The following GRK5 variants were observed in gnomAD, a reference collection of about 807,000 sequenced individuals.
The protein encoded by GRK5 is G protein-coupled receptor kinase 5, also known as g protein-coupled receptor kinase GRK5.
Under a neutral mutation model 78.4 loss-of-function variants are expected in GRK5, and 40 were observed. That is an observed-to-expected ratio of 0.51 (90% confidence interval 0.40 to 0.66). The LOEUF is 0.66. GRK5 is among the 30% of genes least tolerant of loss of function. The probability of loss-of-function intolerance (pLI) is 0.00; values close to 1 mark genes in which losing one functional copy is unlikely to be tolerated. For missense variants in GRK5, 598 were observed against 759.9 expected (o/e 0.79, Z 2.50); for synonymous variants, 289 against 296.8 (o/e 0.97, Z 0.27).
chr10:119,443,431 A>T lies in GRK5; in HGVS notation c.1058-113A>T, dbSNP rs1853078005. ...GCTCCCTGGAGGGGGTGGTATTCAC[A>T]GCAGTTGGTGGGGTAAGAGTTGGTG... is the stretch of plus-strand genomic sequence containing the variant. On this transcript the variant is annotated intron_variant, in intron 11 of 15. Transcript: ENST00000392870. 20 of 900,902 alleles carry T rather than the reference A, an allele frequency of 2.2e-5. 1 individual carries two copies. The South Asian group carries it at 3.3e-4, about 15-fold the overall frequency. The allele number at this position is 900,902 out of a possible 1,614,324, so 55.8% of individuals were successfully genotyped here. A position where few individuals can be genotyped will look rare whatever the true frequency, so the allele number is the denominator to read the frequency against.
chr10:119,322,434 G>A (rs890905178), intron 1 of GRK5, among the ~76,000 whole-genome samples: 2 of 152,208 alleles, frequency 1.3e-5, no homozygotes, highest in Non-Finnish European at 2.9e-5. Flanking sequence ...GGCCGTCGCT[G>A]GGGTTGGGAA....
chr10:119,207,944 C>T lies in GRK5; in HGVS notation c.27C>T (p.Asn9=), dbSNP rs1848414944. The T allele has an allele frequency of 6.2e-7, 1 of 1,604,686 alleles. No homozygotes were observed. Among genetic ancestry groups the T allele is most frequent in the South Asian group, 1.1e-5 (1 of 89,932 alleles). Residue 9 remains asparagine (N), a synonymous_variant, in exon 1 of 16, where the codon AAC becomes AAT. Coordinates refer to ENST00000392870, the MANE Select transcript of GRK5 (RefSeq NM_005308.3). MELENIVA[N]TVLLKAREGG... is the part of the protein sequence containing the mutation. Reference sequence around the variant, plus strand: ...TGGAGCTGGAAAACATCGTGGCCAACACGGTCTTGCTGAAAGCCAGGGAAG... The same window carrying T: ...TGGAGCTGGAAAACATCGTGGCCAATACGGTCTTGCTGAAAGCCAGGGAAG...
intron 2 of GRK5, 107 bp from the exon 3 acceptor site, chr10:119,380,708 A>C (rs1851696518): frequency 7.6e-6 from 5 of 657,726 alleles, no homozygotes; most frequent in Non-Finnish European, 1.4e-5. Context: ...TTTGCCAGTC[A>C]CCTTCCTCCA....
At chr10:119,433,436 G>C (rs564438327) in intron 8 of GRK5, among the ~76,000 whole-genome samples, 1 of 152,128 alleles carries the variant, frequency 6.6e-6, no homozygotes. Flanking sequence ...CTTCAGTTAC[G>C]ATGGCTGCAC....
chr10:119,459,077 T>C lies in GRK5; in HGVS notation c.*4010T>C, dbSNP rs924566218. ...AACCCAACACTCTGAGATAGGATCT[T>C]CCAACTTTTTAGCCCCGGCTGTGGA... On this transcript the variant is annotated 3_prime_UTR_variant, in exon 16 of 16. Coordinates refer to ENST00000392870, the MANE Select transcript of GRK5 (RefSeq NM_005308.3). The C allele has an allele frequency of 3.9e-5, 6 of 152,230 alleles. No individual in the cohort carries two copies. The highest frequency in any genetic ancestry group is 1.4e-4 in the African/African-American group (6 of 41,448). The allele number at this position is 152,230 out of a possible 1,614,324, so 9.4% of individuals were successfully genotyped here. A position where few individuals can be genotyped will look rare whatever the true frequency, so the allele number is the denominator to read the frequency against.
Position 119,294,633 on chromosome 10 carries a change from G to A in GRK5, c.53-31883G>A, listed in dbSNP as rs573241547. On this transcript the variant is annotated intron_variant, in intron 1 of 15. Coordinates refer to ENST00000392870, the MANE Select transcript of GRK5 (RefSeq NM_005308.3). Reference sequence around the variant, plus strand: ...GTGGCCAGGGTCATTGCTCAGGTTCGCAGGGCTAAGGAGGAGGGAGGCAGG... The same window carrying A: ...GTGGCCAGGGTCATTGCTCAGGTTCACAGGGCTAAGGAGGAGGGAGGCAGG... Among the ~76,000 whole-genome samples the A allele has an allele frequency of 1.2e-3, 189 of 152,264 alleles. 1 individual carries two copies. The highest frequency in any genetic ancestry group is 2.2e-3 in the Non-Finnish European group (149 of 68,008).
At chr10:119,326,150 G>A (rs1850673339) in intron 1 of GRK5, among the ~76,000 whole-genome samples, 1 of 152,268 alleles carries the variant, frequency 6.6e-6, no homozygotes, top group African/African-American at 2.4e-5. Flanking sequence ...CTGCCCCACA[G>A]GGATGCCCCA....
intron 1 of GRK5, chr10:119,213,187 G>A (rs1463755797): frequency 6.6e-6 from 1 of 152,244 alleles, no homozygotes; most frequent in African/African-American, 2.4e-5. Flanking sequence ...AGAGAATATT[G>A]AAGACAAGGG....
chr10:119,312,828 A>C (rs941615184), intron 1 of GRK5, among the ~76,000 whole-genome samples: 2 of 143,222 alleles, frequency 1.4e-5, no homozygotes, highest in African/African-American at 2.6e-5. Context: ...CTGAACTTAG[A>C]GTCAGATGTC....
intron 1 of GRK5, among the ~76,000 whole-genome samples, chr10:119,302,076 T>A (rs1850192792): frequency 6.6e-6 from 1 of 152,230 alleles, no homozygotes; most frequent in African/African-American, 2.4e-5. Context: ...ACTTTTTCCC[T>A]TGCAGGTGGG....
chr10:119,279,070 C>T lies in GRK5; in HGVS notation c.53-47446C>T, dbSNP rs544467927. ...TTTTTTGTATTTTTTTTAGTAGAGACGGGGTTTCACCATGTTAGCCAGGAT... is the reference window on the plus strand; with the variant it reads ...TTTTTTGTATTTTTTTTAGTAGAGATGGGGTTTCACCATGTTAGCCAGGAT... On this transcript the variant is annotated intron_variant, in intron 1 of 15. Coordinates refer to ENST00000392870, the MANE Select transcript of GRK5 (RefSeq NM_005308.3). Among the ~76,000 whole-genome samples the T allele has an allele frequency of 2.2e-4, 33 of 152,102 alleles. 2 individuals carry two copies. In the South Asian group the frequency reaches 3.7e-3, roughly 17 times the overall value.
In GRK5 at chr10:119,417,396, G is replaced by A. The variant is rs367957233; in HGVS notation, c.340-5770G>A. On this transcript the variant is annotated intron_variant, in intron 4 of 15. Coordinates refer to ENST00000392870, the MANE Select transcript of GRK5 (RefSeq NM_005308.3). ...CACAGATGGCGCCTGTGAAGCGGCAGTTGACCTGGGAGGGGTGCGGCAATG... is the reference window on the plus strand; with the variant it reads ...CACAGATGGCGCCTGTGAAGCGGCAATTGACCTGGGAGGGGTGCGGCAATG... Among the ~76,000 whole-genome samples, 3 of 152,358 alleles carry A rather than the reference G, an allele frequency of 2.0e-5. No homozygotes were observed. In the South Asian group the frequency reaches 6.2e-4, roughly 32 times the overall value.
At chr10:119,368,765 G>T (rs1353674057) in intron 2 of GRK5, among the ~76,000 whole-genome samples, 2 of 152,232 alleles carry the variant, frequency 1.3e-5, no homozygotes, top group South Asian at 2.1e-4. Context: ...CTGTGCTGCA[G>T]CTCTGAGCAG....
intron 1 of GRK5, among the ~76,000 whole-genome samples, chr10:119,233,330 G>A (rs1262496720): frequency 6.6e-6 from 1 of 152,176 alleles, no homozygotes; most frequent in East Asian, 1.9e-4. Context: ...CCCTGGCTGT[G>A]CAGAGCCTTG....
At chr10:119,374,774 A>G (rs1339490242) in intron 2 of GRK5, among the ~76,000 whole-genome samples, 1 of 151,568 alleles carries the variant, frequency 6.6e-6, no homozygotes, top group Non-Finnish European at 1.5e-5. Context: ...TCATGAGGGC[A>G]TTGTTGGTGA....
At chr10:119,448,800 C>T (rs556786711) in intron 13 of GRK5, among the ~76,000 whole-genome samples, 23 of 152,282 alleles carry the variant, frequency 1.5e-4, no homozygotes, top group African/African-American at 4.1e-4. Context: ...GTCCCCCAGT[C>T]GGTGTGTGAG....
At chr10:119,442,150 G>A (rs77346649) in intron 11 of GRK5, 62 bp downstream of exon 11, 74 of 1,301,842 alleles carry the variant, frequency 5.7e-5, no homozygotes, top group East Asian at 5.3e-4. Context: ...ACCGCCGGCC[G>A]AGCCCCCAGA....
chr10:119,279,160 G>A (rs1386019657), intron 1 of GRK5, among the ~76,000 whole-genome samples: 13 of 152,324 alleles, frequency 8.5e-5, no homozygotes, highest in African/African-American at 3.1e-4. Flanking sequence ...GATTACAGGC[G>A]TGAGCCACTG....
At chr10:119,222,748 G>T (rs1455805976) in intron 1 of GRK5, among the ~76,000 whole-genome samples, 1 of 152,204 alleles carries the variant, frequency 6.6e-6, no homozygotes. Context: ...TCTACATGGG[G>T]AAGGGCTGCC....
Sources: gnomAD v4.1 joint callset for allele counts (sites outside exome capture counted in the v4.1 genomes callset) on GRCh38, gnomAD v4.1.1 for gene constraint, MANE v1.5 for transcripts, NCBI Gene and HGNC (gene_info 2026-07-23, HGNC 2026-07-21) for gene names.